The following GPR137B variants were observed in gnomAD, a reference collection of about 807,000 sequenced individuals.
The protein encoded by GPR137B is G protein-coupled receptor 137B.
Under a neutral mutation model 42.5 loss-of-function variants are expected in GPR137B, and 42 were observed. The ratio of observed to expected loss-of-function variants is 0.99; its 90% CI spans 0.77 to 1.28. The LOEUF (loss-of-function observed/expected upper bound fraction) is 1.28, where lower values mean the gene tolerates loss of function less well. Ranked by LOEUF, GPR137B falls within the 50% of genes most tolerant of loss-of-function variation. The pLI is 0.00. For synonymous variants in GPR137B, 218 were observed against 209.7 expected, an observed-to-expected ratio of 1.04 and a Z score of -0.34; for missense variants, 487 against 493.9, an observed-to-expected ratio of 0.99 and a Z score of 0.13.
chr1:236,203,799 T>G (rs1663573218), intron 5 of GPR137B, among the ~76,000 whole-genome samples: 1 of 152,268 alleles, frequency 6.6e-6, no homozygotes, highest in African/African-American at 2.4e-5. Context: ...CTTTTTCAGA[T>G]TGTTCACTCT....
rs1662831957 is a variant in GPR137B at position 236,180,288 on chromosome 1, T to G, written c.837+260T>G. 2.5e-5 allele frequency: 9 copies of G among 362,022 alleles called. No homozygotes were observed. The East Asian group carries it at 4.8e-4, about 19-fold the overall frequency. 22.4% of individuals were successfully genotyped at this position (362,022 alleles called of 1,614,324 possible). A position where few individuals can be genotyped will look rare whatever the true frequency, so the allele number is the denominator to read the frequency against. ...TTGTTTGAAAATTTCTATTTTTAATTGTTATTAGTATTTTTTATTTTCAAA... is the reference window on the plus strand; with the variant it reads ...TTGTTTGAAAATTTCTATTTTTAATGGTTATTAGTATTTTTTATTTTCAAA... On this transcript the variant is annotated intron_variant, in intron 4 of 6. Coordinates refer to ENST00000366592, the MANE Select transcript of GPR137B (RefSeq NM_003272.4).
chr1:236,152,524 G>A (rs1414218526), intron 1 of GPR137B, among the ~76,000 whole-genome samples: 1 of 152,174 alleles, frequency 6.6e-6, no homozygotes, highest in Non-Finnish European at 1.5e-5. Context: ...TTGGGAGGCC[G>A]AGGCGGGTGG....
chr1:236,205,472 T>C (rs1214764132), intron 6 of GPR137B, among the ~76,000 whole-genome samples: 5 of 152,184 alleles, frequency 3.3e-5, no homozygotes, highest in African/African-American at 1.2e-4. Flanking sequence ...TACAGTAGTG[T>C]TTCCTAAACA....
intron 5 of GPR137B, among the ~76,000 whole-genome samples, chr1:236,185,807 G>A (rs1468203197): frequency 6.6e-6 from 1 of 152,108 alleles, no homozygotes; most frequent in Non-Finnish European, 1.5e-5. Context: ...CATTTCATGT[G>A]TATAATTGAG....
Position 236,142,712 on chromosome 1 carries a change from G to T in GPR137B, c.90G>T (p.Pro30=). The T allele has an allele frequency of 3.1e-6, 5 of 1,602,608 alleles. No homozygotes were observed. Among genetic ancestry groups the T allele is most frequent in the Non-Finnish European group, 4.2e-6 (5 of 1,177,250 alleles). The part of the protein sequence containing the change: ...PWDPARNDSL[P]PTLTPAVPPY... ...ACCCAGCCCGCAACGACTCGCTGCC[G>T]CCCACGCTGACCCCGGCCGTGCCCC... Residue 30 remains proline, a synonymous_variant, in exon 1 of 7, where the codon CCG becomes CCT. Transcript: ENST00000366592.
intron 1 of GPR137B, among the ~76,000 whole-genome samples, chr1:236,157,115 C>A (rs1394974062): frequency 6.6e-6 from 1 of 152,108 alleles, no homozygotes. Context: ...TCTCATTTTA[C>A]AGGTGAGGTA....
In GPR137B at chr1:236,208,584, C is replaced by T; in HGVS notation, c.*426C>T. 7 of 970,102 alleles carry T rather than the reference C, an allele frequency of 7.2e-6. No individual in the cohort carries two copies. The highest frequency in any genetic ancestry group is 8.6e-6 in the Non-Finnish European group (7 of 814,970). 60.1% of individuals were successfully genotyped at this position (970,102 alleles called of 1,614,324 possible). Reference sequence around the variant, plus strand: ...AAAGCTTTTGGACTAAAGTATTCCACAAATCTTACCTCTTTAGGTCACTGA... The same window carrying T: ...AAAGCTTTTGGACTAAAGTATTCCATAAATCTTACCTCTTTAGGTCACTGA... On this transcript the variant is annotated 3_prime_UTR_variant, in exon 7 of 7. Transcript: ENST00000366592.
chr1:236,180,633 AT>A (rs544204649), intron 4 of GPR137B, among the ~76,000 whole-genome samples: 3,198 of 138,446 alleles, frequency 0.023, 52 homozygotes, highest in African/African-American at 0.063. Flanking sequence ...GCAGTACTTA[AT>A]TTTTTTTTTT....
chr1:236,162,227 A>G (rs1354900048), intron 1 of GPR137B, among the ~76,000 whole-genome samples: 1 of 152,142 alleles, frequency 6.6e-6, no homozygotes, highest in Non-Finnish European at 1.5e-5. Context: ...TGCCCTAGAG[A>G]TTTGTGGAAC....
At chr1:236,197,970 C>T (rs576750806) in intron 5 of GPR137B, among the ~76,000 whole-genome samples, 1 of 152,306 alleles carries the variant, frequency 6.6e-6, no homozygotes, top group East Asian at 1.9e-4. Flanking sequence ...ATCCACCCGC[C>T]TCGGCCTCCC....
chr1:236,202,811 A>G (rs528506958), intron 5 of GPR137B, among the ~76,000 whole-genome samples: 121 of 152,158 alleles, frequency 8.0e-4, no homozygotes, highest in East Asian at 1.7e-3. Flanking sequence ...GATATTCCCC[A>G]ATGTTTTCTT....
In GPR137B at chr1:236,142,663, G is replaced by C; in HGVS notation, c.41G>C (p.Gly14Ala). The change falls in exon 1 of 7, where the codon GGC becomes GCC. Residue 14 changes from glycine (G) to alanine (A), a missense_variant. Coordinates refer to ENST00000366592, the MANE Select transcript of GPR137B (RefSeq NM_003272.4). ...CCCCGGCCGCGCGGCAGCGCCCCCG[G>C]CCCGATGGAGACCCCGCCGTGGGAC... ...ERPRPRGSAP[G>A]PMETPPWDPA... The C allele has an allele frequency of 6.5e-7, 1 of 1,537,052 alleles. No homozygotes were observed. Among genetic ancestry groups the C allele is most frequent in the Non-Finnish European group, 8.7e-7 (1 of 1,147,146 alleles).
At position 236,183,361 on chromosome 1, in the gene GPR137B, C is replaced by T. The variant is rs536505075; in HGVS notation, c.838-417C>T. 4.6e-5 allele frequency among the ~76,000 whole-genome samples: 7 copies of T among 152,286 alleles called. No individual in the cohort carries two copies. In the East Asian group the frequency reaches 1.3e-3, roughly 29 times the overall value. Reference sequence around the variant, plus strand: ...ATTTAGGAGGAGGCAACATAACCTTCTCACTATTCAATTGTTGAAGAAAAT... The same window carrying T: ...ATTTAGGAGGAGGCAACATAACCTTTTCACTATTCAATTGTTGAAGAAAAT... On this transcript the variant is annotated intron_variant, in intron 4 of 6. Coordinates refer to ENST00000366592, the MANE Select transcript of GPR137B (RefSeq NM_003272.4).
chr1:236,172,049 A>AG (rs1031397284), intron 2 of GPR137B, among the ~76,000 whole-genome samples: 1 of 152,160 alleles, frequency 6.6e-6, no homozygotes, highest in Non-Finnish European at 1.5e-5. Flanking sequence ...TCAAAAAAAA[A>AG]AAAAAAAAGT....
chr1:236,154,896 T>C (rs1661973951), intron 1 of GPR137B, among the ~76,000 whole-genome samples: 1 of 152,204 alleles, frequency 6.6e-6, no homozygotes, highest in South Asian at 2.1e-4. Context: ...AAATGCATCC[T>C]CTGTGCTTCT....
intron 1 of GPR137B, among the ~76,000 whole-genome samples, chr1:236,148,020 G>A (rs560236132): frequency 1.3e-5 from 2 of 152,210 alleles, no homozygotes; most frequent in Admixed American, 1.3e-4. Flanking sequence ...GCCAGCTTTG[G>A]GGAACAGCTG....
chr1:236,151,719 G>T (rs1279708769), intron 1 of GPR137B, among the ~76,000 whole-genome samples: 1 of 152,054 alleles, frequency 6.6e-6, no homozygotes, highest in Non-Finnish European at 1.5e-5. Context: ...ACTGCGCCCG[G>T]CCTCCCTCCT....
intron 4 of GPR137B, among the ~76,000 whole-genome samples, chr1:236,181,942 G>T (rs1297972350): frequency 7.5e-6 from 1 of 132,856 alleles, no homozygotes; most frequent in African/African-American, 3.0e-5. Context: ...CACCAGGCTG[G>T]AGTGCAGCCG....
chr1:236,190,148 C>CTTTTTTTTTTTTTT (rs34520510), intron 5 of GPR137B, among the ~76,000 whole-genome samples: 1 of 119,402 alleles, frequency 8.4e-6, no homozygotes, highest in African/African-American at 3.2e-5. Flanking sequence ...CCTGCTTCTT[C>CTTTTTTTTTTTTTT]TTTTTTTTTT....
Sources: gnomAD v4.1 joint callset for allele counts (sites outside exome capture counted in the v4.1 genomes callset) on GRCh38, gnomAD v4.1.1 for gene constraint, MANE v1.5 for transcripts, NCBI Gene and HGNC (gene_info 2026-07-23, HGNC 2026-07-21) for gene names.